Variants in CHN1 observed in about 807,000 individuals in gnomAD.
The protein encoded by CHN1 is chimerin 1.
In CHN1, 37 loss-of-function variants were observed where a neutral mutation model predicts 59.5. The ratio of observed to expected loss-of-function variants is 0.62; its 90% CI spans 0.48 to 0.82. The LOEUF (loss-of-function observed/expected upper bound fraction) is 0.82, where lower values mean the gene tolerates loss of function less well. Ranked by LOEUF, CHN1 falls within the 40% of genes least tolerant of loss-of-function variation. The pLI, the probability that CHN1 is intolerant of heterozygous loss-of-function variation, is 0.00. For missense variants in CHN1, 469 were observed against 571.0 expected (o/e 0.82, Z 1.82); for synonymous variants, 206 against 200.4 (o/e 1.03, Z -0.24).
chr2:174,984,578 A>T (rs1435693860), intron 1 of CHN1, among the ~76,000 whole-genome samples: 1 of 152,096 alleles, frequency 6.6e-6, no homozygotes, highest in Non-Finnish European at 1.5e-5. Flanking sequence ...CATATTGGCC[A>T]GGATGGTCTC....
intron 1 of CHN1, among the ~76,000 whole-genome samples, chr2:174,989,873 T>TATCTAATA (rs1184082499): frequency 2.6e-5 from 4 of 152,188 alleles, no homozygotes; most frequent in African/African-American, 9.6e-5. Context: ...TTTTACAAAT[T>TATCTAATA]ATCTAATATT....
chr2:174,862,594 G>C (rs1687104224), intron 6 of CHN1, among the ~76,000 whole-genome samples: 1 of 152,180 alleles, frequency 6.6e-6, no homozygotes, highest in African/African-American at 2.4e-5. Context: ...GCCTCCCAAA[G>C]TGCTGGGATT....
chr2:174,925,713 C>G (rs1441967272), intron 3 of CHN1, among the ~76,000 whole-genome samples: 1 of 152,240 alleles, frequency 6.6e-6, no homozygotes, highest in Non-Finnish European at 1.5e-5. Flanking sequence ...AGTCTTTCAA[C>G]CAATTGCCAA....
At chr2:174,979,891 A>G (rs761716248) in intron 1 of CHN1, among the ~76,000 whole-genome samples, 119 of 152,186 alleles carry the variant, frequency 7.8e-4, no homozygotes, top group Non-Finnish European at 1.3e-3. Context: ...AAAACAAAAC[A>G]AAACAAAACA....
At position 175,005,269 on chromosome 2, in the gene CHN1, C is replaced by A; in HGVS notation, c.-357G>T. 1 of 1,163,218 alleles carries A rather than the reference C, an allele frequency of 8.6e-7. No homozygotes were observed. Among genetic ancestry groups the A allele is most frequent in the Non-Finnish European group, 1.1e-6 (1 of 939,330 alleles). The allele number at this position is 1,163,218 out of a possible 1,614,324, so 72.1% of individuals were successfully genotyped here. A position where few individuals can be genotyped will look rare whatever the true frequency, so the allele number is the denominator to read the frequency against. Reference sequence around the variant, plus strand: ...CGGAGAGGCGGCGCCGCACTGGCGGCGGCGGCGGCGGCGACGGGGAGAGCA... The same window carrying A: ...CGGAGAGGCGGCGCCGCACTGGCGGAGGCGGCGGCGGCGACGGGGAGAGCA... On this transcript the variant is annotated 5_prime_UTR_variant, in exon 1 of 13. Transcript: ENST00000409900.
intron 1 of CHN1, among the ~76,000 whole-genome samples, chr2:174,996,356 G>A (rs116000443): frequency 0.013 from 1,906 of 152,264 alleles, 34 homozygotes; most frequent in African/African-American, 0.043. Context: ...TTTCAAGTGG[G>A]TCAACAGACT....
At chr2:174,959,654 C>G (rs930125025) in intron 1 of CHN1, among the ~76,000 whole-genome samples, 2 of 152,258 alleles carry the variant, frequency 1.3e-5, no homozygotes, top group African/African-American at 4.8e-5. Flanking sequence ...GAGGCAGAGA[C>G]ATTCCTGAAA....
At position 174,891,140 on chromosome 2, in the gene CHN1, C is replaced by CAAAAAA. The variant is rs58016502; in HGVS notation, c.261-13018_261-13013dup. On this transcript the variant is annotated intron_variant, in intron 5 of 12. Coordinates refer to ENST00000409900, the MANE Select transcript of CHN1 (RefSeq NM_001822.7). ...TGGGCGACAGAGCAAGACTCCATCT[C>CAAAAAA]AAAAAAAAAAAAAAAAAAAAAAAAA... is the stretch of plus-strand genomic sequence containing the variant. Among the ~76,000 whole-genome samples, 171 of 24,388 alleles carry CAAAAAA rather than the reference C, an allele frequency of 7.0e-3. 2 individuals are homozygous for CAAAAAA. The highest frequency in any genetic ancestry group is 7.7e-3 in the African/African-American group (74 of 9,628). The allele number at this position is 24,388 out of a possible 152,430, so 16.0% of individuals were successfully genotyped here. A position where few individuals can be genotyped will look rare whatever the true frequency, so the allele number is the denominator to read the frequency against.
intron 1 of CHN1, among the ~76,000 whole-genome samples, chr2:174,976,290 T>C (rs915279165): frequency 2.0e-5 from 3 of 151,976 alleles, no homozygotes; most frequent in East Asian, 2.0e-4. Context: ...CAGGCTGGAG[T>C]GCAGTGGCAC....
At chr2:174,932,430 T>C (rs1053520733) in intron 3 of CHN1, among the ~76,000 whole-genome samples, 8 of 152,188 alleles carry the variant, frequency 5.3e-5, no homozygotes, top group African/African-American at 1.9e-4. Flanking sequence ...AACTGTCAAA[T>C]TGACGTAAGT....
intron 6 of CHN1, among the ~76,000 whole-genome samples, chr2:174,865,557 G>A (rs571332145): frequency 6.6e-6 from 1 of 152,146 alleles, no homozygotes; most frequent in East Asian, 1.9e-4. Flanking sequence ...ATAACCTGGT[G>A]AAGTACTTCG....
intron 5 of CHN1, among the ~76,000 whole-genome samples, chr2:174,897,130 T>C (rs1688240912): frequency 6.6e-6 from 1 of 152,176 alleles, no homozygotes; most frequent in Non-Finnish European, 1.5e-5. Flanking sequence ...TGGATAACCA[T>C]TTGCAACCTT....
At chr2:174,946,911 A>G (rs1689855715) in intron 2 of CHN1, among the ~76,000 whole-genome samples, 1 of 151,460 alleles carries the variant, frequency 6.6e-6, no homozygotes, top group African/African-American at 2.4e-5. Flanking sequence ...AAAAAAAAAA[A>G]AAAAAAAAAA....
intron 1 of CHN1, among the ~76,000 whole-genome samples, chr2:174,994,277 T>C (rs1691636131): frequency 6.6e-6 from 1 of 152,212 alleles, no homozygotes; most frequent in East Asian, 1.9e-4. Context: ...GGGGAATCCA[T>C]ATTAGAATAT....
intron 7 of CHN1, chr2:174,846,354 T>A: frequency 6.5e-7 from 1 of 1,549,434 alleles, no homozygotes; most frequent in Non-Finnish European, 8.7e-7. Context: ...GAGAAGCTGC[T>A]AGTGTCAGCA....
At chr2:174,877,118 G>C (rs1257532928) in intron 6 of CHN1, among the ~76,000 whole-genome samples, 3 of 152,162 alleles carry the variant, frequency 2.0e-5, no homozygotes, top group Non-Finnish European at 4.4e-5. Flanking sequence ...TTTCTTGGGG[G>C]TGAGGAGGAG....
At chr2:174,976,985 T>G (rs1690965834) in intron 1 of CHN1, among the ~76,000 whole-genome samples, 1 of 152,210 alleles carries the variant, frequency 6.6e-6, no homozygotes. Flanking sequence ...ATAAAATCCT[T>G]CCTGTTGAAT....
chr2:174,936,719 A>G (rs1452047674), intron 3 of CHN1, among the ~76,000 whole-genome samples: 1 of 152,174 alleles, frequency 6.6e-6, no homozygotes, highest in East Asian at 1.9e-4. Flanking sequence ...TTTATGGGTG[A>G]TAAGGAATTT....
chr2:174,831,441 A>T (rs1189008146), intron 7 of CHN1, among the ~76,000 whole-genome samples: 1 of 152,184 alleles, frequency 6.6e-6, no homozygotes, highest in Non-Finnish European at 1.5e-5. Flanking sequence ...TTCTGTGCTG[A>T]GCTGAAATAG....
Sources: gnomAD v4.1 joint callset for allele counts (sites outside exome capture counted in the v4.1 genomes callset) on GRCh38, gnomAD v4.1.1 for gene constraint, MANE v1.5 for transcripts, NCBI Gene and HGNC (gene_info 2026-07-23, HGNC 2026-07-21) for gene names.